The following WNK3 variants were observed in gnomAD, a reference collection of about 807,000 sequenced individuals.
WNK3 encodes the protein WNK lysine deficient protein kinase 3.
In WNK3, 18 loss-of-function variants were observed where a neutral mutation model predicts 116.7. That is an observed-to-expected ratio of 0.15 (90% CI 0.11 to 0.23). The LOEUF is 0.23. Among genes scored for constraint, WNK3 ranks in the 10% least tolerant of loss-of-function variants. The pLI, the probability that WNK3 is intolerant of heterozygous loss-of-function variation, is 1.00. For missense variants in WNK3, 993 were observed against 1,323.8 expected (o/e 0.75, Z 3.88); for synonymous variants, 404 against 469.4 (o/e 0.86, Z 1.80).
At chrX:54,279,346 T>C (rs1194594650) in intron 10 of WNK3, among the ~76,000 whole-genome samples, 2 of 111,421 alleles carry the variant, frequency 1.8e-5, no homozygotes, top group African/African-American at 6.5e-5. Flanking sequence ...TATGTAGATG[T>C]AATATACATA....
chrX:54,264,654 A>AT (rs1557157294), intron 10 of WNK3, among the ~76,000 whole-genome samples: 1 of 111,171 alleles, frequency 9.0e-6, no homozygotes, highest in African/African-American at 3.3e-5. Context: ...AACTAGGAAG[A>AT]AGTTCCATTA....
intron 10 of WNK3, among the ~76,000 whole-genome samples, chrX:54,288,038 C>T (rs1167090013): frequency 8.9e-6 from 1 of 111,807 alleles, no homozygotes; most frequent in African/African-American, 3.3e-5. Context: ...GATAGAGGGT[C>T]TGCTGTTGTA....
chrX:54,210,896 G>A (rs991090641), intron 22 of WNK3, among the ~76,000 whole-genome samples: 2 of 111,708 alleles, frequency 1.8e-5, no homozygotes, highest in Admixed American at 9.6e-5. Context: ...GCATTTATTC[G>A]TGAAAACTAC....
chrX:54,262,365 TAAAAATACAGC>T (rs1557156828), intron 10 of WNK3, among the ~76,000 whole-genome samples: 1 of 112,235 alleles, frequency 8.9e-6, no homozygotes, highest in African/African-American at 3.2e-5. Flanking sequence ...TACATATAAA[TAAAAATACAGC>T]AAAAATACAG....
intron 20 of WNK3, 113 bp downstream of exon 20, chrX:54,236,825 T>C (rs782650761): frequency 2.2e-6 from 2 of 889,617 alleles, no homozygotes; most frequent in South Asian, 5.7e-5. Flanking sequence ...TAGCATTCTT[T>C]GTAGTTTTCA....
At chrX:54,198,275 T>A in exon 24 of WNK3, 1 of 1,039,090 alleles carries the variant, frequency 9.6e-7, no homozygotes, top group Non-Finnish European at 1.3e-6. Flanking sequence ...TTGGGTGTCC[T>A]GAAAATAATT....
At chrX:54,319,902 A>T (rs1335539223) in intron 2 of WNK3, among the ~76,000 whole-genome samples, 1 of 112,344 alleles carries the variant, frequency 8.9e-6, no homozygotes, top group Non-Finnish European at 1.9e-5. Context: ...ACAAAAGACA[A>T]ACCAGAGAAC....
intron 22 of WNK3, among the ~76,000 whole-genome samples, chrX:54,209,784 C>T (rs782486629): frequency 8.2e-5 from 9 of 110,241 alleles, no homozygotes; most frequent in Non-Finnish European, 1.1e-4. Context: ...CTCCTAACCT[C>T]AGGTGATCTG....
intron 1 of WNK3, among the ~76,000 whole-genome samples, chrX:54,335,271 T>C (rs1277311637): frequency 9.0e-6 from 1 of 110,918 alleles, no homozygotes; most frequent in Non-Finnish European, 1.9e-5. Flanking sequence ...ACAACAACAA[T>C]AAAACACTGT....
At chrX:54,237,685 C>A in intron 19 of WNK3, 134 bp from the exon 20 acceptor site, 1 of 594,028 alleles carries the variant, frequency 1.7e-6, no homozygotes, top group Non-Finnish European at 2.4e-6. Context: ...CAATCAGGCC[C>A]CTTGGGTAAA....
At chrX:54,267,507 T>C (rs2068327039) in intron 10 of WNK3, among the ~76,000 whole-genome samples, 6 of 110,752 alleles carry the variant, frequency 5.4e-5, no homozygotes, top group Non-Finnish European at 1.1e-4. Flanking sequence ...CATAGCTAAC[T>C]GAGTGTGGTG....
chrX:54,248,291 T>C (rs782740120), intron 17 of WNK3, among the ~76,000 whole-genome samples: 41 of 111,567 alleles, frequency 3.7e-4, no homozygotes, highest in Admixed American at 7.7e-4. Context: ...TTCTCTTTTT[T>C]TGTCAAATTA....
In WNK3 at chrX:54,327,204, A is replaced by C. The variant is rs782151010; in HGVS notation, c.537+5933T>G. ...TTTATCGCTCCCAGTTCTTTGCAGC[A>C]CCATAAGGTCAATGTATTCTAAACA... On this transcript the variant is annotated intron_variant, in intron 2 of 23. Transcript: ENST00000354646. 7.1e-5 allele frequency among the ~76,000 whole-genome samples: 8 copies of C among 112,297 alleles called. No homozygotes were observed. The East Asian group carries it at 2.2e-3, about 31-fold the overall frequency.
intron 10 of WNK3, among the ~76,000 whole-genome samples, chrX:54,282,651 C>A (rs189687190): frequency 5.6e-4 from 63 of 111,547 alleles, no homozygotes; most frequent in African/African-American, 2.0e-3. Context: ...GAAAGGAAAA[C>A]TAAGTTGGAA....
chrX:54,273,576 A>G (rs1181541123), intron 10 of WNK3, among the ~76,000 whole-genome samples: 2 of 112,248 alleles, frequency 1.8e-5, no homozygotes, highest in Non-Finnish European at 3.8e-5. Flanking sequence ...TAAAGTCATA[A>G]CATCCCAGAA....
At chrX:54,258,261 GA>G (rs2068217687) in intron 11 of WNK3, among the ~76,000 whole-genome samples, 1 of 83,740 alleles carries the variant, frequency 1.2e-5, no homozygotes, top group Non-Finnish European at 2.2e-5. Context: ...CTGGGCAATA[GA>G]GTGAGACTCC....
chrX:54,301,930 A>G, intron 5 of WNK3, 71 bp from the exon 6 acceptor site: 1 of 773,047 alleles, frequency 1.3e-6, no homozygotes, highest in Admixed American at 2.6e-5. Context: ...CATTTATTAA[A>G]CATTATTTTT....
intron 10 of WNK3, among the ~76,000 whole-genome samples, chrX:54,288,626 C>T (rs1190010599): frequency 1.8e-5 from 2 of 111,387 alleles, no homozygotes; most frequent in Non-Finnish European, 3.8e-5. Flanking sequence ...GCTGTCCTTC[C>T]ACTGCCCTCT....
chrX:54,329,086 T>TG (rs1241772853), intron 2 of WNK3, among the ~76,000 whole-genome samples: 2 of 112,175 alleles, frequency 1.8e-5, no homozygotes, highest in African/African-American at 6.5e-5. Flanking sequence ...ATTAAAGGAA[T>TG]GCCTACTGTG....
Sources: allele counts gnomAD v4.1 joint callset (sites outside exome capture counted in the v4.1 genomes callset), GRCh38; gene constraint gnomAD v4.1.1; transcripts MANE v1.5; gene names NCBI Gene and HGNC (gene_info 2026-07-23, HGNC 2026-07-21).